Variants in DGKZ observed in about 807,000 individuals in gnomAD.
The protein encoded by DGKZ is diacylglycerol kinase zeta, also known as DAG kinase zeta.
Under a neutral mutation model 142.5 loss-of-function variants are expected in DGKZ, and 45 were observed. The observed-to-expected ratio is 0.32, with a 90% CI of 0.25 to 0.40. The LOEUF (loss-of-function observed/expected upper bound fraction) is 0.40, where lower values mean the gene tolerates loss of function less well. Ranked by LOEUF, DGKZ falls within the 10% of genes least tolerant of loss-of-function variation. The pLI, the probability that DGKZ is intolerant of heterozygous loss-of-function variation, is 1.00. For missense variants in DGKZ, 755 were observed against 1,306.5 expected (o/e 0.58, Z 6.51); for synonymous variants, 442 against 527.0 (o/e 0.84, Z 2.21).
At chr11:46,349,489 G>A (rs1183679962) in intron 1 of DGKZ, among the ~76,000 whole-genome samples, 1 of 152,196 alleles carries the variant, frequency 6.6e-6, no homozygotes, top group Non-Finnish European at 1.5e-5. Flanking sequence ...CAAGAAACCA[G>A]AGAACCAACA....
chr11:46,345,434 A>G, upstream of DGKZ: 1 of 1,456,544 alleles, frequency 6.9e-7, no homozygotes, highest in Non-Finnish European at 9.0e-7. This position sits in a 1 kb window ranked among gnomAD's most constrained non-coding sequence, Gnocchi z 4.1. Flanking sequence ...GGCTGGCCAC[A>G]GTGCCGGGGG....
intron 14 of DGKZ, among the ~76,000 whole-genome samples, chr11:46,373,590 C>T (rs533819400): frequency 4.0e-5 from 6 of 151,872 alleles, no homozygotes; most frequent in South Asian, 2.1e-4. Context: ...CTCTGCCTCC[C>T]GGGCTCAAGC....
At chr11:46,361,456 C>A in intron 1 of DGKZ, 1 of 194,688 alleles carries the variant, frequency 5.1e-6, no homozygotes, top group Non-Finnish European at 9.4e-6. Context: ...TCCGCCCACC[C>A]GTCGCCTGCT....
Position 46,377,179 on chromosome 11 carries a change from C to G in DGKZ, c.2309C>G (p.Pro770Arg), listed in dbSNP as rs776008073. 3.2e-5 allele frequency: 51 copies of G among 1,604,832 alleles called. No individual in the cohort carries two copies. Among genetic ancestry groups the G allele is most frequent in the Non-Finnish European group, 4.2e-5 (49 of 1,174,978 alleles). Residue 770 changes from proline (P) to arginine (R), a missense_variant, in exon 25 of 31, where the codon CCT becomes CGT. Physicochemically the swap from Pro to Arg is moderately radical, Grantham distance 103 (BLOSUM62 -2). This residue lies in a region of DGKZ where 87 missense variants were observed against 112.2 expected (regional missense o/e 0.78). Transcript: ENST00000527911. ...CCTGACCTCCCAACCCCCACTTCCC[C>G]TCTCCCCACCTCACCCTGCTCACCC...
In DGKZ at chr11:46,367,326, C is replaced by T. The variant is rs1397031079; in HGVS notation, c.197C>T (p.Ala66Val). 2 of 1,612,326 alleles carry T rather than the reference C, an allele frequency of 1.2e-6. No homozygotes were observed. The highest frequency in any genetic ancestry group is 2.2e-5 in the East Asian group (1 of 44,878). ...ACCAAGTCGGGCCTCCAGCACCTGGCCCCCCCTCCGCCCACCCCTGGGGCC... is the reference window on the plus strand; with the variant it reads ...ACCAAGTCGGGCCTCCAGCACCTGGTCCCCCCTCCGCCCACCCCTGGGGCC... The change falls in exon 2 of 31, where the codon GCC becomes GTC. Residue 66 changes from alanine to valine, a missense_variant. By Grantham distance (64) the Ala-to-Val change is moderately conservative. Around this residue, in one of 8 missense-constraint regions of DGKZ, gnomAD observed 81 missense variants for 86.5 expected, o/e 0.94. Coordinates refer to ENST00000527911, the Ensembl canonical transcript of DGKZ. This position sits in a 1 kb window ranked among gnomAD's most constrained non-coding sequence, Gnocchi z 4.1.
In DGKZ at chr11:46,371,467, C is replaced by T. The variant is rs201991835; in HGVS notation, c.643-20C>T. Reference sequence around the variant, plus strand: ...AGTCTGAACACGGTCCCGCTGAGCCCGGCCCCTCGCTCTCCTCAGTACCAC... The same window carrying T: ...AGTCTGAACACGGTCCCGCTGAGCCTGGCCCCTCGCTCTCCTCAGTACCAC... On this transcript the variant is annotated intron_variant, in intron 7 of 30. Transcript: ENST00000527911. 259 of 1,599,646 alleles carry T rather than the reference C, an allele frequency of 1.6e-4. No individual in the cohort carries two copies. Among genetic ancestry groups the T allele is most frequent in the East Asian group, 8.9e-4 (40 of 44,776 alleles).
intron 1 of DGKZ, chr11:46,364,775 AC>A (rs559045113): frequency 2.5e-4 from 247 of 985,328 alleles, no homozygotes; most frequent in Non-Finnish European, 2.7e-4. Flanking sequence ...CTCCTGCCCA[AC>A]ATGCGTCCAG....
At chr11:46,373,388 G>A (rs1358010606) in intron 14 of DGKZ, among the ~76,000 whole-genome samples, 1 of 148,208 alleles carries the variant, frequency 6.7e-6, no homozygotes, top group Admixed American at 6.8e-5. Context: ...CCAGGTTCAA[G>A]CGATTCTCCT....
At chr11:46,345,335 G>A (rs1037896706), upstream of DGKZ, 26 of 1,383,836 alleles carry the variant, frequency 1.9e-5, no homozygotes, top group Admixed American at 1.5e-4. The surrounding 1 kb of genome is among the most constrained non-coding windows in gnomAD (Gnocchi z 4.1). Context: ...GGCGGCCAGC[G>A]GCCTCTAGCA....
upstream of DGKZ, chr11:46,345,158 G>A: frequency 1.2e-6 from 1 of 812,052 alleles, no homozygotes; most frequent in Non-Finnish European, 1.7e-6. The surrounding 1 kb of genome is among the most constrained non-coding windows in gnomAD (Gnocchi z 4.1). Context: ...AAACCAGACA[G>A]GAGCCCAGGT....
At chr11:46,369,100 C>T (rs551167371) in intron 4 of DGKZ, 25 of 293,330 alleles carry the variant, frequency 8.5e-5, no homozygotes, top group Non-Finnish European at 1.1e-4. Flanking sequence ...CCCAGCTACT[C>T]GGGAGGTGGA....
Position 46,367,054 on chromosome 11 carries a change from G to A in DGKZ, c.162-237G>A. The A allele has an allele frequency of 6.8e-7, 1 of 1,461,372 alleles. No individual in the cohort carries two copies. The highest frequency in any genetic ancestry group is 9.1e-7 in the Non-Finnish European group (1 of 1,104,882). 90.5% of individuals were successfully genotyped at this position (1,461,372 alleles called of 1,614,324 possible). On this transcript the variant is annotated intron_variant, in intron 1 of 30. Transcript: ENST00000527911. This position sits in a 1 kb window ranked among gnomAD's most constrained non-coding sequence, Gnocchi z 4.1. ...TGGGTCTGGCCTGGGCATGGGCCTTGAAGCTCTGCCTGGCTGAGGGTTCCC... is the reference window on the plus strand; with the variant it reads ...TGGGTCTGGCCTGGGCATGGGCCTTAAAGCTCTGCCTGGCTGAGGGTTCCC...
intron 1 of DGKZ, among the ~76,000 whole-genome samples, chr11:46,348,590 C>T (rs893636075): frequency 1.3e-5 from 2 of 152,214 alleles, no homozygotes; most frequent in East Asian, 3.9e-4. Context: ...TGCCCCCTCC[C>T]CCAGCACTCC....
chr11:46,369,320 G>A (rs763557200), intron 4 of DGKZ, 174 bp from the exon 5 acceptor site: 2 of 716,786 alleles, frequency 2.8e-6, no homozygotes, highest in African/African-American at 3.5e-5. Flanking sequence ...GGAGGAGGCA[G>A]AGAGGCAGGA....
chr11:46,335,241 G>A (rs1939956676), intron 1 of DGKZ, among the ~76,000 whole-genome samples: 1 of 151,884 alleles, frequency 6.6e-6, no homozygotes, highest in African/African-American at 2.4e-5. Context: ...TTGAACCTGG[G>A]AGGCAGAGGT....
At chr11:46,375,756 G>T in intron 20 of DGKZ, 95 bp from the exon 21 acceptor site, 2 of 1,510,184 alleles carry the variant, frequency 1.3e-6, no homozygotes, top group South Asian at 1.2e-5. Flanking sequence ...GGAGTGGAGC[G>T]GGACCTTCTC....
At chr11:46,371,597 G>T in exon 8 of DGKZ, 1 of 1,610,588 alleles carries the variant, frequency 6.2e-7, no homozygotes, top group Non-Finnish European at 8.5e-7. Flanking sequence ...GCGCCCGGAG[G>T]CCCCAGGTGA....
intron 1 of DGKZ, among the ~76,000 whole-genome samples, chr11:46,357,362 C>A (rs1942149634): frequency 6.6e-6 from 1 of 152,294 alleles, no homozygotes; most frequent in Non-Finnish European, 1.5e-5. Flanking sequence ...GCGATAGCAT[C>A]CAGCCCAGAA....
chr11:46,365,602 T>C (rs1006071302), intron 1 of DGKZ: 1 of 985,282 alleles, frequency 1.0e-6, no homozygotes, highest in South Asian at 4.7e-5. Flanking sequence ...CCTCTCTATT[T>C]CCAGGAGTCA....
Sources: gnomAD v4.1 joint callset for allele counts (sites outside exome capture counted in the v4.1 genomes callset) on GRCh38, gnomAD v4.1.1 for gene constraint, gnomAD v4.1.1 regional missense constraint, Gnocchi (gnomAD v3.1) non-coding constraint, MANE v1.5 for transcripts, NCBI Gene and HGNC (gene_info 2026-07-23, HGNC 2026-07-21) for gene names.